KLF12: variants seen among roughly 807,000 people sequenced by gnomAD.
The protein encoded by KLF12 is KLF transcription factor 12.
KLF12 carries 9 observed loss-of-function variants against 37.8 expected under a neutral mutation model. The observed-to-expected ratio is 0.24, with a 90% CI of 0.14 to 0.42. The LOEUF (loss-of-function observed/expected upper bound fraction) is 0.42. Among genes scored for constraint, KLF12 ranks in the 10% least tolerant of loss-of-function variants. The pLI is 1.00. For synonymous variants in KLF12, 208 were observed against 202.1 expected (o/e 1.03, Z -0.25); for missense variants, 411 against 516.0 (o/e 0.80, Z 1.97).
the KLF12 span, among the ~76,000 whole-genome samples, chr13:74,184,449 A>G: frequency 3.3e-5 from 5 of 152,190 alleles, no homozygotes; most frequent in East Asian, 9.6e-4. Context: ...AAAATTGAAT[A>G]TAATGTTTCC....
chr13:74,259,980 G>A, the KLF12 span: 4 of 152,218 alleles, frequency 2.6e-5, no homozygotes, highest in East Asian at 1.9e-4. Context: ...ACATTTTAAC[G>A]AATAATTGAT....
the KLF12 span, among the ~76,000 whole-genome samples, chr13:74,265,763 C>A: frequency 6.6e-6 from 1 of 152,122 alleles, no homozygotes; most frequent in Non-Finnish European, 1.5e-5. Flanking sequence ...TGGCTAAATA[C>A]TCACATTTAC....
At chr13:74,112,199 T>TGC (rs1877009335) in intron 1 of KLF12, among the ~76,000 whole-genome samples, 1 of 107,410 alleles carries the variant, frequency 9.3e-6, no homozygotes, top group Non-Finnish European at 2.3e-5. Flanking sequence ...TGTGTGTGTG[T>TGC]GCATCTGTGT....
At chr13:73,923,011 T>C (rs1889192177) in intron 3 of KLF12, among the ~76,000 whole-genome samples, 1 of 152,188 alleles carries the variant, frequency 6.6e-6, no homozygotes, top group African/African-American at 2.4e-5. Context: ...GTGACTCTTA[T>C]TCTGTACAAA....
At chr13:73,741,251 C>A (rs578255389) in intron 6 of KLF12, among the ~76,000 whole-genome samples, 1 of 152,152 alleles carries the variant, frequency 6.6e-6, no homozygotes, top group Non-Finnish European at 1.5e-5. Context: ...GGAAGCACGA[C>A]TGGAAAGCTC....
At chr13:73,830,002 A>G (rs1486740484) in intron 4 of KLF12, among the ~76,000 whole-genome samples, 1 of 152,246 alleles carries the variant, frequency 6.6e-6, no homozygotes, top group Non-Finnish European at 1.5e-5. Context: ...AGGTTTAAGT[A>G]TGAAGGACTT....
chr13:74,149,769 C>T, the KLF12 span, among the ~76,000 whole-genome samples: 1 of 152,188 alleles, frequency 6.6e-6, no homozygotes, highest in Non-Finnish European at 1.5e-5. Flanking sequence ...GCATGGCTAC[C>T]TGTGACCTCT....
chr13:73,803,396 T>C (rs1185839389), intron 5 of KLF12, among the ~76,000 whole-genome samples: 3 of 152,188 alleles, frequency 2.0e-5, no homozygotes, highest in Admixed American at 6.5e-5. Context: ...TTTGACCTCC[T>C]ACCCTTTCAA....
At chr13:73,768,649 G>A (rs1271662898) in intron 5 of KLF12, among the ~76,000 whole-genome samples, 2 of 152,058 alleles carry the variant, frequency 1.3e-5, no homozygotes, top group East Asian at 1.9e-4. Context: ...CAGTAATCAC[G>A]GCAATGCAAA....
At chr13:74,296,739 A>G in the KLF12 span, among the ~76,000 whole-genome samples, 2 of 152,172 alleles carry the variant, frequency 1.3e-5, no homozygotes, top group Non-Finnish European at 2.9e-5. Flanking sequence ...TTCTTGACCA[A>G]ATCACATAAG....
chr13:74,022,904 C>G (rs1391522294), intron 1 of KLF12, among the ~76,000 whole-genome samples: 1 of 151,014 alleles, frequency 6.6e-6, no homozygotes, highest in African/African-American at 2.4e-5. Flanking sequence ...CCGGGAGCTT[C>G]AAAACTCTCT....
chr13:73,910,955 G>C (rs1335385604), intron 3 of KLF12, among the ~76,000 whole-genome samples: 1 of 152,080 alleles, frequency 6.6e-6, no homozygotes, highest in Non-Finnish European at 1.5e-5. Flanking sequence ...ATGTCACCTG[G>C]GAACTCTGCA....
the KLF12 span, among the ~76,000 whole-genome samples, chr13:74,154,478 G>T: frequency 2.0e-5 from 3 of 152,080 alleles, no homozygotes; most frequent in Non-Finnish European, 4.4e-5. Flanking sequence ...ATACACCATG[G>T]GTTAAGTTGT....
At chr13:74,202,506 A>G in the KLF12 span, among the ~76,000 whole-genome samples, 1 of 152,022 alleles carries the variant, frequency 6.6e-6, no homozygotes, top group African/African-American at 2.4e-5. Flanking sequence ...AGGCATAGAG[A>G]CTAATTTTCT....
At chr13:74,143,101 TCTCCTCCTCCTCCTCTTG>T in the KLF12 span, among the ~76,000 whole-genome samples, 1 of 149,766 alleles carries the variant, frequency 6.7e-6, no homozygotes, top group Admixed American at 6.7e-5. Flanking sequence ...TTCTTCTTGT[TCTCCTCCTCCTCCTCTTG>T]CTCCTCCTCC....
rs149760979 is a variant in KLF12, at chr13:73,885,156, T to C, written c.124-38783A>G. Among the ~76,000 whole-genome samples, 537 of 152,358 alleles carry C rather than the reference T, an allele frequency of 3.5e-3. 2 individuals carry two copies. The highest frequency in any genetic ancestry group is 0.012 in the African/African-American group (487 of 41,580). ...CAGATTCCCATAGCCAACAGTGTAT[T>C]TGAAATCTTCACTTAGCATTTAAAT... On this transcript the variant is annotated intron_variant, in intron 3 of 7. Transcript: ENST00000377669.
At chr13:73,839,054 T>G (rs1456779384) in intron 4 of KLF12, among the ~76,000 whole-genome samples, 39 of 151,890 alleles carry the variant, frequency 2.6e-4, no homozygotes, top group Admixed American at 2.6e-3. Flanking sequence ...CGTCCTTTTG[T>G]TTTTTTCTCC....
At chr13:74,152,466 TTTG>T in the KLF12 span, among the ~76,000 whole-genome samples, 4 of 152,172 alleles carry the variant, frequency 2.6e-5, no homozygotes, top group African/African-American at 9.7e-5. Flanking sequence ...GAACCAATTT[TTTG>T]TTGTTGTTGT....
chr13:73,765,160 C>T (rs987279346), intron 5 of KLF12, among the ~76,000 whole-genome samples, 160 bp from the exon 6 acceptor site: 6 of 152,142 alleles, frequency 3.9e-5, no homozygotes, highest in Admixed American at 6.5e-5. Flanking sequence ...TAAATTCCTA[C>T]GCCTGCAAAT....
Sources: allele counts gnomAD v4.1 joint callset (sites outside exome capture counted in the v4.1 genomes callset), GRCh38; gene constraint gnomAD v4.1.1; transcripts MANE v1.5; gene names NCBI Gene and HGNC (gene_info 2026-07-23, HGNC 2026-07-21).